Variants in TBX15 observed in about 807,000 individuals in gnomAD.
TBX15 encodes the protein T-box transcription factor TBX15.
Under a neutral mutation model 53.9 loss-of-function variants are expected in TBX15, and 18 were observed. The observed-to-expected ratio is 0.33, with a 90% CI of 0.23 to 0.49. TBX15 has a LOEUF of 0.49. TBX15 is among the 20% of genes least tolerant of loss of function. TBX15 has a pLI of 0.98. For synonymous variants in TBX15, 295 were observed against 278.0 expected (o/e 1.06, Z -0.61); for missense variants, 692 against 749.5 (o/e 0.92, Z 0.90).
intron 1 of TBX15, among the ~76,000 whole-genome samples, chr1:118,975,527 G>C (rs539473736): frequency 6.6e-6 from 1 of 152,196 alleles, no homozygotes; most frequent in Non-Finnish European, 1.5e-5. Flanking sequence ...AGTGGTTAAG[G>C]ATATTATTCT....
At chr1:118,933,401 T>A (rs1377744639) in intron 1 of TBX15, among the ~76,000 whole-genome samples, 2 of 151,850 alleles carry the variant, frequency 1.3e-5, no homozygotes, top group Non-Finnish European at 2.9e-5. Context: ...AGTTTACCCA[T>A]AATCACTACA....
At chr1:118,988,870 ACAAG>A (rs1030120221), upstream of TBX15, among the ~76,000 whole-genome samples, 8 of 152,212 alleles carry the variant, frequency 5.3e-5, no homozygotes, top group African/African-American at 1.4e-4. Flanking sequence ...AAACAAACAA[ACAAG>A]CAAACAGAAA....
At position 118,923,490 on chromosome 1, in the gene TBX15, C is replaced by A. The variant is rs199654302; in HGVS notation, c.807G>T (p.Thr269=). 2 of 1,613,958 alleles carry A rather than the reference C, an allele frequency of 1.2e-6. No homozygotes were observed. Among genetic ancestry groups the A allele is most frequent in the Non-Finnish European group, 1.7e-6 (2 of 1,179,936 alleles). The part of the protein sequence containing the change: ...KPVPVGDGVK[T]FNFPETVFTT... ...TGAACACAGTCTCAGGAAAGTTGAA[C>A]GTTTTCACCCCATCCCCAACAGGAA... is the stretch of plus-strand genomic sequence containing the variant. The change falls in exon 5 of 8, where the codon ACG becomes ACT. Residue 269 remains threonine, a synonymous_variant. Transcript: ENST00000369429.
intron 1 of TBX15, among the ~76,000 whole-genome samples, chr1:118,952,254 AC>A (rs1656539821): frequency 1.3e-5 from 2 of 152,224 alleles, no homozygotes; most frequent in South Asian, 4.1e-4. Context: ...ATATGTATTA[AC>A]CAGCTATTTA....
chr1:118,934,607 C>A (rs933918079), intron 1 of TBX15, among the ~76,000 whole-genome samples: 6 of 152,182 alleles, frequency 3.9e-5, no homozygotes, highest in Non-Finnish European at 5.9e-5. Context: ...CACAATGGGA[C>A]CTCTCTTCAA....
At chr1:118,952,148 C>G (rs572423721) in intron 1 of TBX15, among the ~76,000 whole-genome samples, 1 of 152,260 alleles carries the variant, frequency 6.6e-6, no homozygotes, top group Admixed American at 6.5e-5. Context: ...ACTTAATGAA[C>G]AGTAAATATA....
At chr1:118,916,479 A>G (rs954201434) in intron 5 of TBX15, among the ~76,000 whole-genome samples, 15 of 152,188 alleles carry the variant, frequency 9.9e-5, no homozygotes, top group African/African-American at 7.2e-5. Context: ...GAAACACATG[A>G]AAAAAAGCTC....
intron 7 of TBX15, among the ~76,000 whole-genome samples, chr1:118,898,512 G>A (rs935384251): frequency 2.0e-5 from 3 of 152,048 alleles, no homozygotes; most frequent in Non-Finnish European, 4.4e-5. Flanking sequence ...CAACTGAGAG[G>A]GGTGTTGTTT....
intron 1 of TBX15, among the ~76,000 whole-genome samples, chr1:118,939,069 G>C (rs965977473): frequency 6.6e-6 from 1 of 151,996 alleles, no homozygotes; most frequent in African/African-American, 2.4e-5. Flanking sequence ...CATGTCCTTC[G>C]CAGCAACATG....
At chr1:118,984,217 T>A (rs1657743749) in intron 1 of TBX15, among the ~76,000 whole-genome samples, 1 of 152,250 alleles carries the variant, frequency 6.6e-6, no homozygotes, top group Non-Finnish European at 1.5e-5. Flanking sequence ...GGAGTGTCGA[T>A]CTGCCTGCGT....
At chr1:118,898,399 T>A (rs1268423978) in intron 7 of TBX15, among the ~76,000 whole-genome samples, 6 of 152,174 alleles carry the variant, frequency 3.9e-5, no homozygotes, top group Admixed American at 3.9e-4. Context: ...ACAACCCATC[T>A]GGCCACAGGT....
Position 118,884,703 on chromosome 1 carries a change from CA to C in TBX15, c.*28del. ...ACGGAGACTCTGGGGCCTTGATTGC[CA>C]AATGCTCCGTGGTGTTTGGACTGGC... On this transcript the variant is annotated 3_prime_UTR_variant, in exon 8 of 8. Transcript: ENST00000369429. The C allele has an allele frequency of 6.2e-7, 1 of 1,613,628 alleles. No individual in the cohort carries two copies. Among genetic ancestry groups the C allele is most frequent in the Non-Finnish European group, 8.5e-7 (1 of 1,179,922 alleles).
At chr1:118,923,690 C>A in intron 4 of TBX15, 87 bp from the exon 5 acceptor site, 1 of 1,509,620 alleles carries the variant, frequency 6.6e-7, no homozygotes, top group East Asian at 2.3e-5. Context: ...TAAGTTGAAG[C>A]ACTATAGGAA....
intron 1 of TBX15, among the ~76,000 whole-genome samples, chr1:118,957,484 A>T (rs1487361363): frequency 6.6e-6 from 1 of 152,220 alleles, no homozygotes; most frequent in African/African-American, 2.4e-5. Flanking sequence ...TATTTTTTTA[A>T]TTATACTTTA....
At chr1:118,984,601 G>A (rs1248384259) in intron 1 of TBX15, among the ~76,000 whole-genome samples, 1 of 152,202 alleles carries the variant, frequency 6.6e-6, no homozygotes, top group East Asian at 1.9e-4. Flanking sequence ...GAGAGGGCGG[G>A]GGAGAGCAGG....
chr1:118,915,849 T>C (rs1319591291), intron 5 of TBX15, among the ~76,000 whole-genome samples: 1 of 152,206 alleles, frequency 6.6e-6, no homozygotes, highest in African/African-American at 2.4e-5. Context: ...CCTGTAAATA[T>C]AACAGCACTC....
At chr1:118,941,134 C>A (rs1411463559) in intron 1 of TBX15, among the ~76,000 whole-genome samples, 1 of 152,172 alleles carries the variant, frequency 6.6e-6, no homozygotes, top group African/African-American at 2.4e-5. Context: ...CCACTTCCAA[C>A]CTCCCACCAC....
At chr1:118,973,500 A>T (rs2101705714) in intron 1 of TBX15, among the ~76,000 whole-genome samples, 1 of 152,212 alleles carries the variant, frequency 6.6e-6, no homozygotes, top group East Asian at 1.9e-4. Flanking sequence ...AAAACCTCTC[A>T]AAAGTCTAAA....
intron 1 of TBX15, among the ~76,000 whole-genome samples, chr1:118,951,466 T>C (rs940497292): frequency 6.6e-6 from 1 of 152,192 alleles, no homozygotes; most frequent in Non-Finnish European, 1.5e-5. Flanking sequence ...ATAATAGTCA[T>C]TGGCTCTGAG....
Sources: allele counts gnomAD v4.1 joint callset (sites outside exome capture counted in the v4.1 genomes callset), GRCh38; gene constraint gnomAD v4.1.1; transcripts MANE v1.5; gene names NCBI Gene and HGNC (gene_info 2026-07-23, HGNC 2026-07-21).